ASTN2: variants seen among roughly 807,000 people sequenced by gnomAD.
ASTN2 encodes astrotactin 2, also known as astrotactin-2.
A neutral mutation model predicts 139.8 loss-of-function variants in ASTN2; 54 were observed. The ratio of observed to expected loss-of-function variants is 0.39; its 90% confidence interval spans 0.31 to 0.48. ASTN2 has a LOEUF of 0.48. ASTN2 is among the 20% of genes least tolerant of loss of function. ASTN2 has a pLI of 0.95. For missense variants in ASTN2, 1,565 were observed against 1,725.1 expected (o/e 0.91, Z 1.64); for synonymous variants, 756 against 719.5 (o/e 1.05, Z -0.81).
intron 1 of ASTN2, among the ~76,000 whole-genome samples, chr9:117,346,198 A>G (rs1829213344): frequency 6.6e-6 from 1 of 152,130 alleles, no homozygotes; most frequent in South Asian, 2.1e-4. Flanking sequence ...CTGTTATTCC[A>G]TCAAGGTTTT....
At chr9:116,472,629 C>T (rs568059983) in intron 20 of ASTN2, among the ~76,000 whole-genome samples, 1 of 151,776 alleles carries the variant, frequency 6.6e-6, no homozygotes, top group African/African-American at 2.4e-5. Flanking sequence ...TCTGGCCAGG[C>T]GTGGTAGCTC....
chr9:117,322,586 G>A (rs572141459), intron 1 of ASTN2, among the ~76,000 whole-genome samples: 1 of 152,254 alleles, frequency 6.6e-6, no homozygotes, highest in South Asian at 2.1e-4. Context: ...CTGACCTTCT[G>A]TCTTCCCATT....
At chr9:116,848,095 C>A (rs114510943) in intron 11 of ASTN2, among the ~76,000 whole-genome samples, 4,081 of 152,204 alleles carry the variant, frequency 0.027, 206 homozygotes, top group African/African-American at 0.094. Context: ...CTGTTGTGTA[C>A]CCCCCATACA....
intron 1 of ASTN2, among the ~76,000 whole-genome samples, chr9:117,368,278 C>T (rs112998243): frequency 4.0e-5 from 6 of 151,806 alleles, no homozygotes; most frequent in African/African-American, 9.7e-5. Context: ...CATGCACATG[C>T]GCACACATGT....
chr9:117,287,321 C>T (rs1471778692), intron 2 of ASTN2, among the ~76,000 whole-genome samples: 1 of 152,166 alleles, frequency 6.6e-6, no homozygotes, highest in Non-Finnish European at 1.5e-5. Context: ...ATTTCCAAGT[C>T]ATAAACCCTC....
chr9:116,534,534 G>A (rs1411351511), intron 19 of ASTN2, among the ~76,000 whole-genome samples: 8 of 152,182 alleles, frequency 5.3e-5, no homozygotes, highest in Non-Finnish European at 7.3e-5. Flanking sequence ...TGCTTTAAAT[G>A]TGTCCCAGAG....
chr9:116,902,053 CATAAT>C (rs1834023365), intron 10 of ASTN2, among the ~76,000 whole-genome samples: 1 of 152,042 alleles, frequency 6.6e-6, no homozygotes, highest in Admixed American at 6.6e-5. Flanking sequence ...AATAAACAAA[CATAAT>C]ATAAAATGAA....
chr9:117,291,275 A>T, intron 2 of ASTN2, 51 bp downstream of exon 2: 1 of 1,565,160 alleles, frequency 6.4e-7, no homozygotes, highest in Non-Finnish European at 8.7e-7. Context: ...CTCTCCACCC[A>T]TTCCTCCCCC....
intron 3 of ASTN2, among the ~76,000 whole-genome samples, chr9:117,146,898 G>C (rs563050898): frequency 3.9e-5 from 6 of 152,256 alleles, no homozygotes; most frequent in East Asian, 1.9e-4. Flanking sequence ...TAGAAGAGAG[G>C]ATTTTGAATG....
chr9:117,155,414 TACGGGTGG>T (rs922930652), intron 3 of ASTN2, among the ~76,000 whole-genome samples: 3 of 151,982 alleles, frequency 2.0e-5, no homozygotes, highest in Non-Finnish European at 4.4e-5. Context: ...AGCCTGCATG[TACGGGTGG>T]ACGGGTCTTG....
At chr9:116,638,279 C>A (rs1383979675) in intron 17 of ASTN2, among the ~76,000 whole-genome samples, 2 of 152,154 alleles carry the variant, frequency 1.3e-5, no homozygotes, top group African/African-American at 2.4e-5. Context: ...CATGTTAATA[C>A]CCATCTCATG....
rs550337412 is a variant in ASTN2 at position 117,058,677 on chromosome 9, T to C, written c.1277-18712A>G. ...GGAGACTTCCAGATGTAACAGAAAT[T>C]GAGCCAGATACTGCTAGGCACAGGG... On this transcript the variant is annotated intron_variant, in intron 5 of 22. Coordinates refer to ENST00000313400, the MANE Select transcript of ASTN2 (RefSeq NM_001365068.1). Among the ~76,000 whole-genome samples the C allele has an allele frequency of 4.6e-5, 7 of 152,306 alleles. No individual in the cohort carries two copies. The South Asian group carries it at 1.5e-3, about 32-fold the overall frequency.
At chr9:116,981,216 G>A (rs1439375664) in intron 7 of ASTN2, among the ~76,000 whole-genome samples, 1 of 152,098 alleles carries the variant, frequency 6.6e-6, no homozygotes, top group Non-Finnish European at 1.5e-5. Context: ...TAATCATCCT[G>A]TATTCTAATA....
At chr9:117,195,118 A>T (rs1179925885) in intron 3 of ASTN2, among the ~76,000 whole-genome samples, 2 of 152,218 alleles carry the variant, frequency 1.3e-5, no homozygotes, top group African/African-American at 2.4e-5. Context: ...AATACTTAAC[A>T]AATCCAAATA....
intron 4 of ASTN2, among the ~76,000 whole-genome samples, chr9:117,126,345 G>T (rs560735502): frequency 6.6e-6 from 1 of 152,316 alleles, no homozygotes; most frequent in East Asian, 1.9e-4. Flanking sequence ...AAGCAGTCAG[G>T]TCTAAATTTA....
At chr9:116,983,268 C>A (rs1025467066) in intron 7 of ASTN2, among the ~76,000 whole-genome samples, 1 of 152,138 alleles carries the variant, frequency 6.6e-6, no homozygotes, top group Non-Finnish European at 1.5e-5. Context: ...AACTCAGGGC[C>A]AGGCACGTAG....
In ASTN2 at chr9:117,141,339, C is replaced by T. The variant is rs1248684774; in HGVS notation, c.1155G>A (p.Arg385=). The T allele has an allele frequency of 7.3e-7, 1 of 1,367,374 alleles. No homozygotes were observed. Among genetic ancestry groups the T allele is most frequent in the Admixed American group, 1.9e-5 (1 of 52,574 alleles). 84.7% of individuals were successfully genotyped at this position (1,367,374 alleles called of 1,614,324 possible). A position where few individuals can be genotyped will look rare whatever the true frequency, so the allele number is the denominator to read the frequency against. The change falls in exon 4 of 23, where the codon AGG becomes AGA. Residue 385 remains arginine, a synonymous_variant. Transcript: ENST00000313400. ...AGGAGGGCCTACCTCGAGACTTGCT[C>T]CTCCGCTTCCTCTTCCCTGCCGATG... The part of the protein sequence containing the change: ...RSTSAGKRKR[R]SKSRGGISFG...
chr9:116,888,702 A>AC (rs2132384464), intron 10 of ASTN2, among the ~76,000 whole-genome samples: 1 of 102,014 alleles, frequency 9.8e-6, no homozygotes, highest in Non-Finnish European at 1.8e-5. Flanking sequence ...TTTGTAATTA[A>AC]AAAAAAAAAT....
At chr9:116,466,980 C>A (rs775498876) in intron 20 of ASTN2, among the ~76,000 whole-genome samples, 8 of 152,090 alleles carry the variant, frequency 5.3e-5, no homozygotes, top group Non-Finnish European at 1.0e-4. Context: ...ACTATTTCTG[C>A]AGTTCTCAAT....
Sources: allele counts gnomAD v4.1 joint callset (sites outside exome capture counted in the v4.1 genomes callset), GRCh38; gene constraint gnomAD v4.1.1; transcripts MANE v1.5; gene names NCBI Gene and HGNC (gene_info 2026-07-23, HGNC 2026-07-21).